The following AGO3 variants were observed in gnomAD, a reference collection of about 807,000 sequenced individuals.
The protein encoded by AGO3 is argonaute RISC catalytic component 3.
In AGO3, 16 loss-of-function variants were observed where a neutral mutation model predicts 105.5. The observed-to-expected ratio is 0.15, with a 90% CI of 0.10 to 0.23. The LOEUF (loss-of-function observed/expected upper bound fraction) is 0.23, where lower values mean the gene tolerates loss of function less well. Ranked by LOEUF, AGO3 falls within the 10% of genes least tolerant of loss-of-function variation. The pLI is 1.00. For missense variants in AGO3, 534 were observed against 1,088.0 expected (o/e 0.49, Z 7.16); for synonymous variants, 340 against 367.3 (o/e 0.93, Z 0.85).
intron 5 of AGO3, among the ~76,000 whole-genome samples, chr1:35,991,439 G>T (rs1647642322): frequency 1.3e-5 from 2 of 151,648 alleles, no homozygotes; most frequent in Admixed American, 6.6e-5. Context: ...CTTCACTGTT[G>T]CCCTGGGAAT....
intron 9 of AGO3, among the ~76,000 whole-genome samples, chr1:36,011,046 G>T (rs1640589060): frequency 6.6e-6 from 1 of 152,164 alleles, no homozygotes; most frequent in Admixed American, 6.6e-5. Context: ...CTAAATGAGG[G>T]GAAGGAAGGC....
At chr1:36,019,075 G>A (rs1008630053) in intron 11 of AGO3, among the ~76,000 whole-genome samples, 5 of 152,004 alleles carry the variant, frequency 3.3e-5, no homozygotes, top group Admixed American at 6.5e-5. Flanking sequence ...GGTGACAAGG[G>A]GAGTCTTTCT....
intron 5 of AGO3, chr1:35,992,196 T>G (rs1255359660): frequency 6.6e-6 from 1 of 152,232 alleles, no homozygotes; most frequent in Non-Finnish European, 1.5e-5. Flanking sequence ...ATTTAATATG[T>G]TAAAGTCATT....
chr1:36,026,076 A>G (rs895974289), intron 11 of AGO3, among the ~76,000 whole-genome samples: 7 of 151,394 alleles, frequency 4.6e-5, no homozygotes, highest in African/African-American at 1.7e-4. Context: ...GGGGTTTTTC[A>G]GTGTAAATCA....
intron 17 of AGO3, among the ~76,000 whole-genome samples, chr1:36,052,540 G>T (rs925229152): frequency 6.6e-6 from 1 of 152,106 alleles, no homozygotes; most frequent in African/African-American, 2.4e-5. Flanking sequence ...ATAACCAGGA[G>T]AGTGGGTTTG....
chr1:36,001,010 T>C (rs1052955576), intron 5 of AGO3, among the ~76,000 whole-genome samples: 1 of 151,340 alleles, frequency 6.6e-6, no homozygotes, highest in Non-Finnish European at 1.5e-5. Context: ...CCGAGGCGGG[T>C]GGATCAGTTG....
chr1:35,986,219 A>G (rs1351735443), intron 5 of AGO3, among the ~76,000 whole-genome samples: 2 of 152,256 alleles, frequency 1.3e-5, no homozygotes, highest in East Asian at 1.9e-4. Flanking sequence ...CCATAAAGAG[A>G]TATCTTGCAT....
At chr1:36,052,694 C>T (rs929500387) in intron 17 of AGO3, among the ~76,000 whole-genome samples, 4 of 151,766 alleles carry the variant, frequency 2.6e-5, no homozygotes, top group African/African-American at 9.7e-5. Context: ...ATAACAAAAG[C>T]CAAAAAAAGT....
intron 3 of AGO3, among the ~76,000 whole-genome samples, chr1:35,970,492 A>G (rs1208135203): frequency 6.6e-6 from 1 of 152,176 alleles, no homozygotes; most frequent in African/African-American, 2.4e-5. Context: ...TTTGTGAGAA[A>G]ACAAACCTAC....
At chr1:36,000,816 C>T (rs2148805229) in intron 5 of AGO3, among the ~76,000 whole-genome samples, 1 of 150,982 alleles carries the variant, frequency 6.6e-6, no homozygotes, top group South Asian at 2.1e-4. Flanking sequence ...GTAAGATACC[C>T]AGAATACTGT....
intron 9 of AGO3, 41 bp from the exon 10 acceptor site, chr1:36,013,589 G>C: frequency 1.2e-6 from 2 of 1,609,466 alleles, no homozygotes; most frequent in Middle Eastern, 3.3e-4. Flanking sequence ...AGGGGATTTG[G>C]GGGAATTTTG....
intron 17 of AGO3, among the ~76,000 whole-genome samples, chr1:36,052,022 CTG>C (rs1642736643): frequency 6.6e-6 from 1 of 152,168 alleles, no homozygotes; most frequent in African/African-American, 2.4e-5. Context: ...CCTCATAAAA[CTG>C]AAATTAAAAC....
At position 36,059,037 on chromosome 1, in the gene AGO3, C is replaced by T. The variant is rs976513931; in HGVS notation, c.*3292C>T. 6.6e-6 allele frequency: 1 copy of T among 152,072 alleles called. No individual in the cohort carries two copies. The highest frequency in any genetic ancestry group is 1.5e-5 in the Non-Finnish European group (1 of 68,012). 9.4% of individuals were successfully genotyped at this position (152,072 alleles called of 1,614,324 possible). On this transcript the variant is annotated 3_prime_UTR_variant, in exon 19 of 19. Coordinates refer to ENST00000373191, the MANE Select transcript of AGO3 (RefSeq NM_024852.4). The stretch of plus-strand genomic sequence containing the variant: ...TACCCTTTCTCTATGTACTCTCTCA[C>T]CTAATTTTCAGTCACTCATATATGC...
chr1:36,059,927 T>C lies in AGO3; in HGVS notation c.*4182T>C, dbSNP rs1643010005. On this transcript the variant is annotated 3_prime_UTR_variant, in exon 19 of 19. Coordinates refer to ENST00000373191, the MANE Select transcript of AGO3 (RefSeq NM_024852.4). The stretch of plus-strand genomic sequence containing the variant: ...CAGTTTGAAAAAGGGTACCTCAGCC[T>C]CTTCAGTACTGGTTTTTTGGCACAT... 1 of 152,228 alleles carries C rather than the reference T, an allele frequency of 6.6e-6. No individual in the cohort carries two copies. The highest frequency in any genetic ancestry group is 2.1e-4 in the South Asian group (1 of 4,828). The allele number at this position is 152,228 out of a possible 1,614,324, so 9.4% of individuals were successfully genotyped here.
intron 11 of AGO3, among the ~76,000 whole-genome samples, chr1:36,024,901 C>G (rs1641428092): frequency 6.6e-6 from 1 of 152,150 alleles, no homozygotes; most frequent in Non-Finnish European, 1.5e-5. Context: ...TTCTATCTCC[C>G]TGGCCTTTTT....
chr1:35,958,595 G>A lies in AGO3; in HGVS notation c.192-8360G>A, dbSNP rs953585946. Among the ~76,000 whole-genome samples, 4 of 151,626 alleles carry A rather than the reference G, an allele frequency of 2.6e-5. 1 individual carries two copies. The highest frequency in any genetic ancestry group is 9.7e-5 in the African/African-American group (4 of 41,218). On this transcript the variant is annotated intron_variant, in intron 2 of 18. Coordinates refer to ENST00000373191, the MANE Select transcript of AGO3 (RefSeq NM_024852.4). Reference sequence around the variant, plus strand: ...AGAATGGCTTGAGGCAGAGGTTGCTGTGAGCTGAGATTGCACCACTGCGCT... The same window carrying A: ...AGAATGGCTTGAGGCAGAGGTTGCTATGAGCTGAGATTGCACCACTGCGCT...
intron 1 of AGO3, 99 bp downstream of exon 1, chr1:35,931,544 G>T: frequency 8.0e-7 from 1 of 1,243,858 alleles, no homozygotes; most frequent in Non-Finnish European, 1.0e-6. Flanking sequence ...CGAGGTGAGC[G>T]TCGGGCGGGC....
At chr1:35,961,934 G>A (rs1646683838) in intron 2 of AGO3, among the ~76,000 whole-genome samples, 2 of 152,144 alleles carry the variant, frequency 1.3e-5, no homozygotes, top group South Asian at 4.1e-4. Flanking sequence ...GAAGTGTTTG[G>A]ACGTTAAGTG....
At chr1:36,046,622 T>A (rs1407906651) in intron 17 of AGO3, among the ~76,000 whole-genome samples, 7 of 4,602 alleles carry the variant, frequency 1.5e-3, no homozygotes, top group Non-Finnish European at 3.1e-3. Flanking sequence ...CAGTCTCTAT[T>A]TAAAAAAAAA....
Sources: gnomAD v4.1 joint callset for allele counts (sites outside exome capture counted in the v4.1 genomes callset) on GRCh38, gnomAD v4.1.1 for gene constraint, MANE v1.5 for transcripts, NCBI Gene and HGNC (gene_info 2026-07-23, HGNC 2026-07-21) for gene names.